The following UGT2A3 variants were observed in gnomAD, a reference collection of about 807,000 sequenced individuals.
The protein encoded by UGT2A3 is UDP-glucuronosyltransferase 2A3.
Under a neutral mutation model 44.1 loss-of-function variants are expected in UGT2A3, and 55 were observed. The ratio of observed to expected loss-of-function variants is 1.25; its 90% confidence interval spans 1.00 to 1.56. The LOEUF (loss-of-function observed/expected upper bound fraction) is 1.56, where lower values mean the gene tolerates loss of function less well. Among genes scored for constraint, UGT2A3 ranks in the 40% most tolerant of loss-of-function variants. UGT2A3 has a pLI of 0.00. For synonymous variants in UGT2A3, 243 were observed against 215.1 expected, an observed-to-expected ratio of 1.13 and a Z score of -1.13; for missense variants, 733 against 621.6, an observed-to-expected ratio of 1.18 and a Z score of -1.91.
At chr4:68,940,254 T>G (rs11249515) in intron 2 of UGT2A3, among the ~76,000 whole-genome samples, 110,922 of 151,922 alleles carry the variant, frequency 0.73, 42,121 homozygotes, top group Non-Finnish European at 0.86. Context: ...CACACATATG[T>G]TTATTGTAGC....
At chr4:68,943,793 T>C (rs922737772) in intron 2 of UGT2A3, among the ~76,000 whole-genome samples, 6 of 151,794 alleles carry the variant, frequency 4.0e-5, no homozygotes, top group Non-Finnish European at 7.4e-5. Context: ...TACAGCCTAC[T>C]TGGGCTTGAA....
intron 5 of UGT2A3, 144 bp from the exon 6 acceptor site, chr4:68,930,236 G>T: frequency 1.0e-6 from 1 of 998,650 alleles, no homozygotes; most frequent in Non-Finnish European, 1.4e-6. Context: ...GAATATTGTT[G>T]GTTACATAGT....
chr4:68,938,739 T>C (rs2109785603), intron 2 of UGT2A3, among the ~76,000 whole-genome samples: 1 of 152,134 alleles, frequency 6.6e-6, no homozygotes, highest in South Asian at 2.1e-4. Context: ...GGATATTCAA[T>C]TAGGAAAAGA....
At chr4:68,941,162 C>T (rs1040247949) in intron 2 of UGT2A3, among the ~76,000 whole-genome samples, 11 of 151,634 alleles carry the variant, frequency 7.3e-5, no homozygotes, top group Non-Finnish European at 1.5e-4. Flanking sequence ...TTGCATATAC[C>T]AGCTCATGTT....
intron 1 of UGT2A3, among the ~76,000 whole-genome samples, chr4:68,949,572 C>T (rs922965036): frequency 4.6e-5 from 7 of 151,868 alleles, no homozygotes; most frequent in African/African-American, 1.7e-4. Flanking sequence ...GTCAAAAGTA[C>T]ACACTTGCTG....
chr4:68,935,061 G>A (rs886498033), intron 2 of UGT2A3, among the ~76,000 whole-genome samples: 3 of 150,510 alleles, frequency 2.0e-5, no homozygotes, highest in African/African-American at 7.3e-5. Flanking sequence ...TGAAGAAGAA[G>A]TTTAAATCAG....
chr4:68,932,853 T>A, intron 2 of UGT2A3, 94 bp from the exon 3 acceptor site: 2 of 1,265,142 alleles, frequency 1.6e-6, no homozygotes, highest in Non-Finnish European at 2.2e-6. Context: ...ACTTGAGAAA[T>A]TATTAATGTG....
chr4:68,935,276 G>GTATATATATATATATATATATATATATA (rs57286694), intron 2 of UGT2A3, among the ~76,000 whole-genome samples: 1 of 60,118 alleles, frequency 1.7e-5, no homozygotes, highest in Non-Finnish European at 3.4e-5. Flanking sequence ...ATGTATGTAT[G>GTATATATATATATATATATATATATATA]TATATATATA....
intron 1 of UGT2A3, 96 bp downstream of exon 1, chr4:68,950,950 C>T (rs1366977970): frequency 6.1e-6 from 5 of 822,394 alleles, no homozygotes; most frequent in Admixed American, 3.6e-5. Context: ...TAAAAAAACT[C>T]ATTGACCTGC....
At chr4:68,941,727 A>T (rs1423248482) in intron 2 of UGT2A3, among the ~76,000 whole-genome samples, 1 of 151,948 alleles carries the variant, frequency 6.6e-6, no homozygotes, top group Non-Finnish European at 1.5e-5. Context: ...ATATTTGCAA[A>T]CTATGAATCT....
intron 3 of UGT2A3, among the ~76,000 whole-genome samples, chr4:68,932,366 A>G (rs1297741003): frequency 6.6e-6 from 1 of 151,764 alleles, no homozygotes. Flanking sequence ...ACACGCTTTT[A>G]GATTTCAAAT....
rs1002110328 is a variant in UGT2A3 at position 68,946,843 on chromosome 4, A to T, written c.716-1389T>A. Reference sequence around the variant, plus strand: ...CACACAAATTTGGGTCCCAGGACATATAAAAGTTATGTTAACCATACCTTG... The same window carrying T: ...CACACAAATTTGGGTCCCAGGACATTTAAAAGTTATGTTAACCATACCTTG... On this transcript the variant is annotated intron_variant, in intron 1 of 5. Transcript: ENST00000251566. Among the ~76,000 whole-genome samples the T allele has an allele frequency of 3.3e-5, 5 of 151,772 alleles. No individual in the cohort carries two copies. In the South Asian group the frequency reaches 6.2e-4, roughly 19 times the overall value.
At chr4:68,945,587 T>C in intron 1 of UGT2A3, 133 bp from the exon 2 acceptor site, 1 of 462,592 alleles carries the variant, frequency 2.2e-6, no homozygotes, top group East Asian at 3.5e-5. Flanking sequence ...AGACGTCAAA[T>C]GGAAGGGGGA....
intron 1 of UGT2A3, among the ~76,000 whole-genome samples, chr4:68,949,521 A>G (rs1331416722): frequency 1.3e-5 from 2 of 151,936 alleles, no homozygotes; most frequent in Admixed American, 1.3e-4. Context: ...TATAACAATG[A>G]AAAATTTGAA....
intron 1 of UGT2A3, among the ~76,000 whole-genome samples, chr4:68,950,261 A>T (rs1718531892): frequency 6.6e-6 from 1 of 151,898 alleles, no homozygotes; most frequent in Admixed American, 6.6e-5. Context: ...AGGACATTTG[A>T]ACTGGGATCC....
intron 1 of UGT2A3, among the ~76,000 whole-genome samples, chr4:68,947,582 T>C (rs2109795782): frequency 6.6e-6 from 1 of 151,956 alleles, no homozygotes; most frequent in South Asian, 2.1e-4. Flanking sequence ...TGAATGTTCT[T>C]AATGGAATCT....
chr4:68,940,834 G>A (rs1232549777), intron 2 of UGT2A3, among the ~76,000 whole-genome samples: 1 of 148,586 alleles, frequency 6.7e-6, no homozygotes, highest in African/African-American at 2.5e-5. Context: ...AAACAGTATG[G>A]CAGTGGCATG....
intron 2 of UGT2A3, among the ~76,000 whole-genome samples, chr4:68,933,140 A>G (rs1717802333): frequency 6.6e-6 from 1 of 152,084 alleles, no homozygotes; most frequent in African/African-American, 2.4e-5. Context: ...GACCTCCAGC[A>G]TCAATCGCTT....
rs536582143 is a variant in UGT2A3, at chr4:68,948,282, C to A, written c.715+2764G>T. Among the ~76,000 whole-genome samples the A allele has an allele frequency of 4.6e-5, 7 of 151,864 alleles. No homozygotes were observed. The South Asian group carries it at 1.5e-3, about 32-fold the overall frequency. On this transcript the variant is annotated intron_variant, in intron 1 of 5. Transcript: ENST00000251566. ...ATTCCTGTAAACCTCATTAGTCAAC[C>A]TCTACTAGCTTCAGTCTTTTTTTCT...
Sources: allele counts gnomAD v4.1 joint callset (sites outside exome capture counted in the v4.1 genomes callset), GRCh38; gene constraint gnomAD v4.1.1; transcripts MANE v1.5; gene names NCBI Gene and HGNC (gene_info 2026-07-23, HGNC 2026-07-21).